Variants in ABR observed in about 807,000 individuals in gnomAD.
ABR encodes ABR activator of RhoGEF and GTPase.
Under a neutral mutation model 107.2 loss-of-function variants are expected in ABR, and 35 were observed. The ratio of observed to expected loss-of-function variants is 0.33; its 90% CI spans 0.25 to 0.43. ABR has a LOEUF of 0.43. Ranked by LOEUF, ABR falls within the 20% of genes least tolerant of loss-of-function variation. The probability of loss-of-function intolerance (pLI) is 1.00; values close to 1 mark genes in which losing one functional copy is unlikely to be tolerated. For synonymous variants in ABR, 498 were observed against 462.0 expected, an observed-to-expected ratio of 1.08 and a Z score of -1.00; for missense variants, 815 against 1,115.2, an observed-to-expected ratio of 0.73 and a Z score of 3.83.
At chr17:1,218,266 A>G (rs2150753740) in intron 1 of ABR, among the ~76,000 whole-genome samples, 1 of 152,378 alleles carries the variant, frequency 6.6e-6, no homozygotes, top group Non-Finnish European at 1.5e-5. Context: ...TAAGGACACA[A>G]AATAACAAGT....
Position 1,197,437 on chromosome 17 carries a change from C to T in ABR, c.838+31356G>A, listed in dbSNP as rs952198742. On this transcript the variant is annotated intron_variant, in intron 1 of 22. Coordinates refer to the ABR transcript ENST00000574139. ...AGACACCATCCCTCTGGCTCCTGAC[C>T]GGTCATTCTGAAGCCTTGAGCTCTA... 2.0e-5 allele frequency among the ~76,000 whole-genome samples: 3 copies of T among 151,536 alleles called. 1 individual carries two copies. Among genetic ancestry groups the T allele is most frequent in the African/African-American group, 4.9e-5 (2 of 40,880 alleles).
At chr17:1,182,114 A>T (rs1598078005), upstream of ABR, among the ~76,000 whole-genome samples, 2 of 152,076 alleles carry the variant, frequency 1.3e-5, no homozygotes, top group East Asian at 3.9e-4. Flanking sequence ...AACACGATAG[A>T]GGGTAGAGGG....
In ABR at chr17:1,027,826, C is replaced by A. The variant is rs1428310496; in HGVS notation, c.1792-14662G>T. Among the ~76,000 whole-genome samples, 1 of 151,930 alleles carries A rather than the reference C, an allele frequency of 6.6e-6. No homozygotes were observed. The highest frequency in any genetic ancestry group is 1.5e-5 in the Non-Finnish European group (1 of 67,994). Reference sequence around the variant, plus strand: ...CAAGGAAGGGCGGTGGGCAGCCGGGCCAGGCCAGACTTCTATTGCAGAAGG... The same window carrying A: ...CAAGGAAGGGCGGTGGGCAGCCGGGACAGGCCAGACTTCTATTGCAGAAGG... On this transcript the variant is annotated intron_variant, in intron 16 of 22. Coordinates refer to ENST00000302538, the MANE Select transcript of ABR (RefSeq NM_021962.5). This position sits in a 1 kb window ranked among gnomAD's most constrained non-coding sequence, Gnocchi z 4.7.
intron 1 of ABR, among the ~76,000 whole-genome samples, chr17:1,139,941 T>C (rs1471326846): frequency 1.3e-5 from 2 of 152,092 alleles, no homozygotes; most frequent in Non-Finnish European, 2.9e-5. Context: ...AGGTTGGCCC[T>C]GATGAACAGA....
At position 1,203,425 on chromosome 17, in the gene ABR, G is replaced by A. The variant is rs1282614370; in HGVS notation, c.838+25368C>T. 9.1e-4 allele frequency among the ~76,000 whole-genome samples: 25 copies of A among 27,514 alleles called. 7 individuals are homozygous for A. The East Asian group carries it at 0.011, about 13-fold the overall frequency. The allele number at this position is 27,514 out of a possible 152,430, so 18.1% of individuals were successfully genotyped here. Reference sequence around the variant, plus strand: ...CGGGGGGCGGAGTCTGCGGGGGCGGGGCCCGCGGGGACGGAGTCTGCGGGG... The same window carrying A: ...CGGGGGGCGGAGTCTGCGGGGGCGGAGCCCGCGGGGACGGAGTCTGCGGGG... On this transcript the variant is annotated intron_variant, in intron 1 of 22. Coordinates refer to the ABR transcript ENST00000574139.
intron 1 of ABR, chr17:1,153,694 G>A (rs548102673): frequency 1.0e-4 from 12 of 114,682 alleles, no homozygotes; most frequent in East Asian, 1.0e-3. Context: ...GCACACCTGC[G>A]GGAGGGCTGG....
At chr17:1,006,655 T>G (rs1009075387) in intron 22 of ABR, among the ~76,000 whole-genome samples, 1 of 152,126 alleles carries the variant, frequency 6.6e-6, no homozygotes, top group Non-Finnish European at 1.5e-5. Flanking sequence ...TGACACCCCA[T>G]AGCCCATCAA....
intron 1 of ABR, among the ~76,000 whole-genome samples, chr17:1,216,379 C>T (rs542179756): frequency 1.1e-4 from 17 of 152,250 alleles, no homozygotes; most frequent in Admixed American, 5.2e-4. Context: ...CAGAGGCAGC[C>T]GCAAACCCAG....
In ABR at chr17:1,038,298, C is replaced by CGT. The variant is rs548922880; in HGVS notation, c.1791+11750_1791+11751dup. Among the ~76,000 whole-genome samples the CGT allele has an allele frequency of 1.5e-4, 23 of 152,320 alleles. No individual in the cohort carries two copies. In the South Asian group the frequency reaches 4.6e-3, roughly 30 times the overall value. Reference sequence around the variant, plus strand: ...CCTCGCTCTCCCTCGGGGTGGGGGACGTGGGGGTCTGAGAGATTAGGGGCT... The same window carrying CGT: ...CCTCGCTCTCCCTCGGGGTGGGGGACGTGTGGGGGTCTGAGAGATTAGGGGCT... On this transcript the variant is annotated intron_variant, in intron 16 of 22. Coordinates refer to ENST00000302538, the MANE Select transcript of ABR (RefSeq NM_021962.5).
chr17:1,057,839 C>T (rs1300746521), intron 12 of ABR, 131 bp downstream of exon 12: 15 of 766,554 alleles, frequency 2.0e-5, no homozygotes, highest in Admixed American at 1.5e-4. Flanking sequence ...TCCTTAAACG[C>T]TCACCCTGGC....
chr17:1,072,063 C>A (rs2035282509), intron 8 of ABR, among the ~76,000 whole-genome samples: 1 of 152,176 alleles, frequency 6.6e-6, no homozygotes, highest in Non-Finnish European at 1.5e-5. Context: ...GCCACCACGC[C>A]CAGCTAATTT....
At chr17:1,137,266 A>G (rs1427817669) in intron 1 of ABR, among the ~76,000 whole-genome samples, 1 of 151,046 alleles carries the variant, frequency 6.6e-6, no homozygotes, top group African/African-American at 2.4e-5. Flanking sequence ...CTGGTCTTGA[A>G]CTCCTGACCT....
rs552257577 is a variant in ABR at position 1,035,238 on chromosome 17, C to T, written c.1791+14812G>A. Among the ~76,000 whole-genome samples, 13 of 151,662 alleles carry T rather than the reference C, an allele frequency of 8.6e-5. No individual in the cohort carries two copies. The East Asian group carries it at 2.1e-3, about 25-fold the overall frequency. ...GAATTCTAGTCGCTGCAGCCCACCA[C>T]GGACCCCTCCTCATCTCTGCTGGGT... On this transcript the variant is annotated intron_variant, in intron 16 of 22. Coordinates refer to ENST00000302538, the MANE Select transcript of ABR (RefSeq NM_021962.5).
In ABR at chr17:1,027,961, G is replaced by C. The variant is rs1224015427; in HGVS notation, c.1792-14797C>G. Reference sequence around the variant, plus strand: ...CTGTGTACCCTCGATGGCCAAGTGAGTGGTAGAGTGAACCTCTGGGGTGTG... The same window carrying C: ...CTGTGTACCCTCGATGGCCAAGTGACTGGTAGAGTGAACCTCTGGGGTGTG... On this transcript the variant is annotated intron_variant, in intron 16 of 22. Transcript: ENST00000302538. This position sits in a 1 kb window ranked among gnomAD's most constrained non-coding sequence, Gnocchi z 4.7. 6.6e-6 allele frequency among the ~76,000 whole-genome samples: 1 copy of C among 152,122 alleles called. No individual in the cohort carries two copies. The highest frequency in any genetic ancestry group is 1.5e-5 in the Non-Finnish European group (1 of 68,024).
Position 1,005,472 on chromosome 17 carries a change from A to C in ABR, c.*608T>G, listed in dbSNP as rs137962094. Reference sequence around the variant, plus strand: ...AGGCGGAGTCTGAGGAGGGGCCGGCAGCGGCAAACGGCAGCATCAAACAGA... The same window carrying C: ...AGGCGGAGTCTGAGGAGGGGCCGGCCGCGGCAAACGGCAGCATCAAACAGA... On this transcript the variant is annotated 3_prime_UTR_variant, in exon 23 of 23. Coordinates refer to ENST00000302538, the MANE Select transcript of ABR (RefSeq NM_021962.5). 2,564 of 268,506 alleles carry C rather than the reference A, an allele frequency of 9.5e-3. 51 individuals carry two copies. Among genetic ancestry groups the C allele is most frequent in the African/African-American group, 0.031 (1,424 of 45,764 alleles). 16.6% of individuals were successfully genotyped at this position (268,506 alleles called of 1,614,324 possible).
In ABR at chr17:1,222,617, T is replaced by C. The variant is rs139944038; in HGVS notation, c.838+6176A>G. On this transcript the variant is annotated intron_variant, in intron 1 of 22. Coordinates refer to the ABR transcript ENST00000574139. The stretch of plus-strand genomic sequence containing the variant: ...ATTCATTTCCCATAAAGATTAAAAA[T>C]AAAAAGTCTCAGGGCCAAGTGTGGT... 4.6e-4 allele frequency among the ~76,000 whole-genome samples: 70 copies of C among 152,160 alleles called. 1 individual carries two copies. In the East Asian group the frequency reaches 0.013, roughly 29 times the overall value.
chr17:1,222,254 G>A (rs1031302250), intron 1 of ABR, among the ~76,000 whole-genome samples: 19 of 152,072 alleles, frequency 1.2e-4, no homozygotes, highest in South Asian at 6.2e-4. Context: ...TAGTAGAGAC[G>A]GGGTTTCACC....
intron 1 of ABR, among the ~76,000 whole-genome samples, chr17:1,159,698 G>GGGAGAAGTAA (rs1567841940): frequency 3.3e-5 from 1 of 30,716 alleles, no homozygotes; most frequent in African/African-American, 1.3e-4. Context: ...AGGAGAAGCA[G>GGGAGAAGTAA]GAATGCGGTA....
chr17:1,119,917 C>T (rs2039271405), intron 2 of ABR, among the ~76,000 whole-genome samples: 1 of 87,428 alleles, frequency 1.1e-5, no homozygotes, highest in Non-Finnish European at 2.5e-5. Flanking sequence ...TGGAGTCTTG[C>T]TCTGTCACCC....
Sources: gnomAD v4.1 joint callset for allele counts (sites outside exome capture counted in the v4.1 genomes callset) on GRCh38, gnomAD v4.1.1 for gene constraint, Gnocchi (gnomAD v3.1) non-coding constraint, MANE v1.5 for transcripts, NCBI Gene and HGNC (gene_info 2026-07-23, HGNC 2026-07-21) for gene names.